The following RBMS3 variants were observed in gnomAD, a reference collection of about 807,000 sequenced individuals.
The protein encoded by RBMS3 is RNA-binding motif, single-stranded-interacting protein 3.
RBMS3 carries 27 observed loss-of-function variants against 66.8 expected under a neutral mutation model. The ratio of observed to expected loss-of-function variants is 0.40; its 90% confidence interval spans 0.30 to 0.56. The LOEUF is 0.56. Among genes scored for constraint, RBMS3 ranks in the 20% least tolerant of loss-of-function variants. RBMS3 has a pLI of 0.40. For missense variants in RBMS3, 513 were observed against 549.5 expected (o/e 0.93, Z 0.66); for synonymous variants, 188 against 183.0 (o/e 1.03, Z -0.22).
In RBMS3 at chr3:30,007,953, A is replaced by G. The variant is rs1486264693; in HGVS notation, c.*4091A>G. 6.6e-6 allele frequency: 1 copy of G among 152,050 alleles called. No individual in the cohort carries two copies. Among genetic ancestry groups the G allele is most frequent in the Non-Finnish European group, 1.5e-5 (1 of 67,948 alleles). The allele number at this position is 152,050 out of a possible 1,614,324, so 9.4% of individuals were successfully genotyped here. A position where few individuals can be genotyped will look rare whatever the true frequency, so the allele number is the denominator to read the frequency against. ...ATTAGAAATATAAGGCTGAGAACTG[A>G]AGAAGGCTGTTTAAAGCAGGAATTT... On this transcript the variant is annotated 3_prime_UTR_variant, in exon 15 of 15. Coordinates refer to ENST00000383767, the MANE Select transcript of RBMS3 (RefSeq NM_001003793.3).
At chr3:29,651,138 A>G (rs890611301) in intron 4 of RBMS3, among the ~76,000 whole-genome samples, 27 of 152,208 alleles carry the variant, frequency 1.8e-4, no homozygotes, top group African/African-American at 6.3e-4. Flanking sequence ...TCTTCAGATC[A>G]ACAACAAATG....
chr3:29,880,208 G>C, intron 7 of RBMS3, among the ~76,000 whole-genome samples: 1 of 151,980 alleles, frequency 6.6e-6, no homozygotes, highest in East Asian at 1.9e-4. Context: ...AAACTTAACT[G>C]TTGTTGAAAA....
At chr3:29,522,914 C>G (rs1466450768) in intron 3 of RBMS3, among the ~76,000 whole-genome samples, 1 of 152,130 alleles carries the variant, frequency 6.6e-6, no homozygotes, top group African/African-American at 2.4e-5. Flanking sequence ...ATTCCCATGA[C>G]CCTTACTTAG....
chr3:29,576,225 A>T (rs1219276791), intron 3 of RBMS3, among the ~76,000 whole-genome samples: 1 of 152,174 alleles, frequency 6.6e-6, no homozygotes, highest in Non-Finnish European at 1.5e-5. Context: ...TCATAGAGGT[A>T]CCACCTTGGT....
chr3:29,968,114 T>C (rs540764395), intron 12 of RBMS3, among the ~76,000 whole-genome samples: 1 of 152,288 alleles, frequency 6.6e-6, no homozygotes, highest in East Asian at 1.9e-4. Context: ...GGGCTTGATC[T>C]TTCCTCTTAG....
chr3:29,499,270 G>T (rs1559413949), intron 3 of RBMS3, among the ~76,000 whole-genome samples: 1 of 147,204 alleles, frequency 6.8e-6, no homozygotes, highest in African/African-American at 2.6e-5. Flanking sequence ...GCTAGCCATT[G>T]TTCTTATTAT....
At chr3:29,558,871 C>G (rs538629498) in intron 3 of RBMS3, among the ~76,000 whole-genome samples, 1 of 152,200 alleles carries the variant, frequency 6.6e-6, no homozygotes, top group African/African-American at 2.4e-5. Context: ...CATTGAGAAC[C>G]ACTGATTTGC....
chr3:29,450,947 C>T (rs1368927522), intron 2 of RBMS3, among the ~76,000 whole-genome samples: 2 of 151,164 alleles, frequency 1.3e-5, no homozygotes, highest in Non-Finnish European at 2.9e-5. Context: ...CACACACACA[C>T]ATGGTGTCTA....
chr3:29,672,017 T>C (rs568627777), intron 4 of RBMS3, among the ~76,000 whole-genome samples: 69 of 152,086 alleles, frequency 4.5e-4, no homozygotes, highest in Non-Finnish European at 9.0e-4. Context: ...AAGGAAAATA[T>C]GTTAAGGGCA....
intron 2 of RBMS3, among the ~76,000 whole-genome samples, chr3:29,441,238 C>T (rs1350261218): frequency 2.0e-5 from 3 of 152,092 alleles, no homozygotes; most frequent in African/African-American, 7.2e-5. Flanking sequence ...TTCCTTGATT[C>T]AGCAGAGATT....
At chr3:29,593,400 G>A (rs1387072000) in intron 4 of RBMS3, among the ~76,000 whole-genome samples, 1 of 152,172 alleles carries the variant, frequency 6.6e-6, no homozygotes, top group Non-Finnish European at 1.5e-5. Flanking sequence ...ACTACAGTGG[G>A]ATGGAGCCTC....
chr3:29,658,827 TTGTG>T (rs2050418295), intron 4 of RBMS3, among the ~76,000 whole-genome samples: 1 of 152,242 alleles, frequency 6.6e-6, no homozygotes, highest in Non-Finnish European at 1.5e-5. Flanking sequence ...GTTTGTTTGC[TTGTG>T]TGTTTGTTTG....
Position 29,908,857 on chromosome 3 carries a change from T to A in RBMS3, c.939+9102T>A, listed in dbSNP as rs375561053. Among the ~76,000 whole-genome samples the A allele has an allele frequency of 7.2e-5, 11 of 152,280 alleles. No homozygotes were observed. In the East Asian group the frequency reaches 1.2e-3, roughly 16 times the overall value. Reference sequence around the variant, plus strand: ...AATATAATTGTAGAAAAACATTATATGCTCAGGATAATTTAATTGAAAAGG... The same window carrying A: ...AATATAATTGTAGAAAAACATTATAAGCTCAGGATAATTTAATTGAAAAGG... On this transcript the variant is annotated intron_variant, in intron 10 of 14. Coordinates refer to ENST00000383767, the MANE Select transcript of RBMS3 (RefSeq NM_001003793.3).
At chr3:29,805,278 A>G (rs1432636175) in intron 6 of RBMS3, among the ~76,000 whole-genome samples, 1 of 152,080 alleles carries the variant, frequency 6.6e-6, no homozygotes, top group African/African-American at 2.4e-5. Context: ...TTCCAGTCAT[A>G]TAAAAGTATA....
intron 6 of RBMS3, among the ~76,000 whole-genome samples, chr3:29,794,868 G>T (rs1042733393): frequency 1.3e-5 from 2 of 152,222 alleles, no homozygotes; most frequent in East Asian, 3.9e-4. Context: ...CTAAAGGGTT[G>T]GGAGAAATAA....
At chr3:29,670,235 G>A (rs1373070344) in intron 4 of RBMS3, among the ~76,000 whole-genome samples, 3 of 152,100 alleles carry the variant, frequency 2.0e-5, no homozygotes, top group African/African-American at 7.2e-5. Flanking sequence ...GACCTTATTT[G>A]GAAATAGGGT....
rs548876501 is a variant in RBMS3, at chr3:29,991,528, C to T, written c.1307+319C>T. 2.4e-5 allele frequency: 6 copies of T among 248,888 alleles called. No homozygotes were observed. The South Asian group carries it at 2.7e-4, about 11-fold the overall frequency. 15.4% of individuals were successfully genotyped at this position (248,888 alleles called of 1,614,324 possible). A position where few individuals can be genotyped will look rare whatever the true frequency, so the allele number is the denominator to read the frequency against. On this transcript the variant is annotated intron_variant, in intron 14 of 14. Coordinates refer to ENST00000383767, the MANE Select transcript of RBMS3 (RefSeq NM_001003793.3). Reference sequence around the variant, plus strand: ...TCTGATCCTCCAGCAGGCTAATTCACATGGAAGTCTCAGAATTTCAAGAAT... The same window carrying T: ...TCTGATCCTCCAGCAGGCTAATTCATATGGAAGTCTCAGAATTTCAAGAAT...
intron 14 of RBMS3, among the ~76,000 whole-genome samples, chr3:29,994,053 C>A (rs189733408): frequency 1.3e-5 from 2 of 151,062 alleles, no homozygotes; most frequent in South Asian, 2.1e-4. Context: ...CCAGACTGGG[C>A]GCAGGTCAGT....
At chr3:29,994,058 G>A in intron 14 of RBMS3, among the ~76,000 whole-genome samples, 1 of 152,094 alleles carries the variant, frequency 6.6e-6, no homozygotes, top group Non-Finnish European at 1.5e-5. Context: ...CTGGGCGCAG[G>A]TCAGTGGGTG....
Sources: gnomAD v4.1 joint callset for allele counts (sites outside exome capture counted in the v4.1 genomes callset) on GRCh38, gnomAD v4.1.1 for gene constraint, MANE v1.5 for transcripts, NCBI Gene and HGNC (gene_info 2026-07-23, HGNC 2026-07-21) for gene names.